SEM1: variants seen among roughly 807,000 people sequenced by gnomAD.
SEM1 encodes SEM1 26S proteasome subunit.
Under a neutral mutation model 12.7 loss-of-function variants are expected in SEM1, and 3 were observed. The ratio of observed to expected loss-of-function variants is 0.24; its 90% CI spans 0.11 to 0.61. SEM1 has a LOEUF of 0.61. Ranked by LOEUF, SEM1 falls within the 20% of genes least tolerant of loss-of-function variation. The pLI, the probability that SEM1 is intolerant of heterozygous loss-of-function variation, is 0.88. For missense variants in SEM1, 59 were observed against 81.3 expected (o/e 0.73, Z 1.06); for synonymous variants, 30 against 27.8 (o/e 1.08, Z -0.25).
At position 96,487,795 on chromosome 7, in the gene SEM1, C is replaced by T. The variant is rs1024572026; in HGVS notation, c.13-1378G>A. On this transcript the variant is annotated intron_variant, in intron 1 of 3. Coordinates refer to the SEM1 transcript ENST00000356686. ...AAAAAATAATCAGGAGAGTTGTTAA[C>T]ATTCAGAGTCCTGAGTGCCAAACAC... Among the ~76,000 whole-genome samples the T allele has an allele frequency of 4.5e-4, 67 of 150,108 alleles. 11 individuals are homozygous for T. Among genetic ancestry groups the T allele is most frequent in the African/African-American group, 1.6e-3 (63 of 39,472 alleles).
At chr7:96,592,932 C>T (rs1038709694) in intron 2 of SEM1, among the ~76,000 whole-genome samples, 6 of 149,452 alleles carry the variant, frequency 4.0e-5, no homozygotes, top group African/African-American at 1.5e-4. Context: ...GTCTGTTTTC[C>T]ACATATTACC....
chr7:96,548,611 CACTGAATTTT>C (rs1339421758), intron 2 of SEM1, among the ~76,000 whole-genome samples: 1 of 152,130 alleles, frequency 6.6e-6, no homozygotes, highest in African/African-American at 2.4e-5. Context: ...TAATGAAAAT[CACTGAATTTT>C]ACTGAATTTA....
intron 2 of SEM1, among the ~76,000 whole-genome samples, chr7:96,507,608 T>C (rs1803797587): frequency 6.6e-6 from 1 of 152,124 alleles, no homozygotes; most frequent in African/African-American, 2.4e-5. Context: ...AAGAATGCTG[T>C]GGATGATGGC....
intron 2 of SEM1, among the ~76,000 whole-genome samples, chr7:96,641,354 C>A (rs1258686570): frequency 6.6e-6 from 1 of 151,526 alleles, no homozygotes; most frequent in African/African-American, 2.4e-5. Flanking sequence ...ATTATTTTTG[C>A]TTTAATATTT....
exon 4 of SEM1, chr7:96,483,731 A>G: frequency 8.1e-7 from 1 of 1,238,770 alleles, no homozygotes; most frequent in Non-Finnish European, 1.1e-6. Context: ...CCACACAGAA[A>G]GCTAGGAAGT....
At chr7:96,537,621 G>T (rs527717805) in intron 2 of SEM1, among the ~76,000 whole-genome samples, 1 of 151,406 alleles carries the variant, frequency 6.6e-6, no homozygotes, top group South Asian at 2.1e-4. Flanking sequence ...AGTAATTCTT[G>T]TCCTTATTCC....
intron 2 of SEM1, among the ~76,000 whole-genome samples, chr7:96,537,873 G>T (rs910481415): frequency 4.0e-5 from 6 of 151,684 alleles, no homozygotes; most frequent in Admixed American, 6.6e-5. Context: ...TAATTTTTCT[G>T]CCCTGTCCTC....
At chr7:96,577,955 C>A (rs1237019038) in intron 2 of SEM1, among the ~76,000 whole-genome samples, 1 of 151,336 alleles carries the variant, frequency 6.6e-6, no homozygotes, top group East Asian at 1.9e-4. Flanking sequence ...GTTTAATTTG[C>A]TTAAGGAAAT....
At chr7:96,650,427 T>C in intron 2 of SEM1, 1 of 712,446 alleles carries the variant, frequency 1.4e-6, no homozygotes, top group South Asian at 1.5e-5. Flanking sequence ...GATGGGCACC[T>C]CGCCCAATGT....
At chr7:96,572,273 C>G (rs1409017386) in intron 2 of SEM1, among the ~76,000 whole-genome samples, 2 of 152,094 alleles carry the variant, frequency 1.3e-5, no homozygotes, top group African/African-American at 4.8e-5. Context: ...TTTCATGTCT[C>G]TATCTTCTTC....
chr7:96,630,694 G>A (rs1359861913), intron 2 of SEM1, among the ~76,000 whole-genome samples: 6 of 152,132 alleles, frequency 3.9e-5, no homozygotes, highest in Non-Finnish European at 5.9e-5. Context: ...TGTTCTTCAC[G>A]TGAAAGGCAT....
At position 96,504,402 on chromosome 7, in the gene SEM1, T is replaced by A. The variant is rs193095109; in HGVS notation, c.*60+2221A>T. 2.2e-3 allele frequency among the ~76,000 whole-genome samples: 340 copies of A among 152,280 alleles called. 11 individuals carry two copies. Among genetic ancestry groups the A allele is most frequent in the Admixed American group, 0.022 (335 of 15,282 alleles). On this transcript the variant is annotated intron_variant and NMD_transcript_variant, in intron 3 of 3. Transcript: ENST00000466986. ...TTAGGTTTTTTCAAAAACTTTTTAA[T>A]ATGGAAAATTTCAAACATATAAAAT...
At chr7:96,615,043 A>G (rs907952531) in intron 2 of SEM1, among the ~76,000 whole-genome samples, 2 of 152,210 alleles carry the variant, frequency 1.3e-5, no homozygotes, top group Admixed American at 6.5e-5. Context: ...CCATTTTTAC[A>G]TATTGCATAT....
At chr7:96,703,570 T>C (rs1790337792) in intron 1 of SEM1, among the ~76,000 whole-genome samples, 1 of 151,990 alleles carries the variant, frequency 6.6e-6, no homozygotes, top group Non-Finnish European at 1.5e-5. Flanking sequence ...ATATTCATTA[T>C]CTGTAACAGA....
intron 2 of SEM1, among the ~76,000 whole-genome samples, chr7:96,617,169 A>C (rs1807747642): frequency 6.6e-6 from 1 of 152,110 alleles, no homozygotes; most frequent in African/African-American, 2.4e-5. Flanking sequence ...TGATTATTCC[A>C]ATCCATGAGC....
Position 96,577,591 on chromosome 7 carries a change from C to A in SEM1, c.171-70893G>T, listed in dbSNP as rs562811545. 2.0e-5 allele frequency among the ~76,000 whole-genome samples: 3 copies of A among 152,016 alleles called. No homozygotes were observed. The South Asian group carries it at 6.3e-4, about 32-fold the overall frequency. ...TGAGAATTCAAAACCACAAAGAAGC[C>A]TTTACATGGATTTGGGGATGGATTT... is the stretch of plus-strand genomic sequence containing the variant. On this transcript the variant is annotated intron_variant and NMD_transcript_variant, in intron 2 of 3. Transcript: ENST00000466986.
exon 3 of SEM1, chr7:96,673,840 T>C: frequency 2.6e-6 from 2 of 765,120 alleles, no homozygotes; most frequent in Non-Finnish European, 4.8e-6. Context: ...CAGACCAATA[T>C]CATCAGGAGT....
chr7:96,653,268 T>TA (rs1480513263), intron 2 of SEM1, among the ~76,000 whole-genome samples: 2 of 152,148 alleles, frequency 1.3e-5, no homozygotes, highest in Non-Finnish European at 2.9e-5. Flanking sequence ...TTCAGCTGTT[T>TA]AAAAAATGGA....
At chr7:96,617,880 G>T (rs1015852113), downstream of SEM1, among the ~76,000 whole-genome samples, 6 of 152,090 alleles carry the variant, frequency 3.9e-5, no homozygotes, top group African/African-American at 9.7e-5. Flanking sequence ...GTATCCCTGG[G>T]ATAAATCCCA....
Sources: allele counts gnomAD v4.1 joint callset (sites outside exome capture counted in the v4.1 genomes callset), GRCh38; gene constraint gnomAD v4.1.1; transcripts MANE v1.5; gene names NCBI Gene and HGNC (gene_info 2026-07-23, HGNC 2026-07-21).